Variants in RDH5 observed in about 807,000 individuals in gnomAD.
RDH5 encodes the protein 11-cis RDH.
Under a neutral mutation model 24.0 loss-of-function variants are expected in RDH5, and 25 were observed. That is an observed-to-expected ratio of 1.04 (90% CI 0.76 to 1.46). RDH5 has a LOEUF of 1.46. Among genes scored for constraint, RDH5 ranks in the 40% most tolerant of loss-of-function variants. The pLI, the probability that RDH5 is intolerant of heterozygous loss-of-function variation, is 0.00. For missense variants in RDH5, 369 were observed against 410.3 expected, an observed-to-expected ratio of 0.90 and a Z score of 0.87; for synonymous variants, 170 against 175.2, an observed-to-expected ratio of 0.97 and a Z score of 0.23.
chr12:55,721,065 C>A lies in RDH5; in HGVS notation c.-32-88C>A, dbSNP rs910919989. On this transcript the variant is annotated intron_variant, in intron 1 of 4. Transcript: ENST00000257895. This position sits in a 1 kb window ranked among gnomAD's most constrained non-coding sequence, Gnocchi z 4.7. ...CAACCAGATAATTTCTCAATATGCTCACACCAGATGCTTCCAGCTAGGGAG... is the reference window on the plus strand; with the variant it reads ...CAACCAGATAATTTCTCAATATGCTAACACCAGATGCTTCCAGCTAGGGAG... The A allele has an allele frequency of 7.9e-6, 7 of 885,934 alleles. No homozygotes were observed. The African/African-American group carries it at 9.8e-5, about 12-fold the overall frequency. 54.9% of individuals were successfully genotyped at this position (885,934 alleles called of 1,614,324 possible).
In RDH5 at chr12:55,721,352, G is replaced by A; in HGVS notation, c.168G>A (p.Leu56=). The change falls in exon 2 of 5, where the codon CTG becomes CTA. Residue 56 remains leucine (L), a synonymous_variant. Transcript: ENST00000257895. This position sits in a 1 kb window ranked among gnomAD's most constrained non-coding sequence, Gnocchi z 4.7. ...TGGACCAGAGAGGCTTCCGAGTCCT[G>A]GCCAGCTGCCTGACCCCCTCCGGGG... ...LQLDQRGFRV[L]ASCLTPSGAE... 6.2e-7 allele frequency: 1 copy of A among 1,613,900 alleles called. No homozygotes were observed. The highest frequency in any genetic ancestry group is 8.5e-7 in the Non-Finnish European group (1 of 1,180,038).
rs760341430 is a variant in RDH5 at position 55,721,684 on chromosome 12, C to T, written c.311-5C>T. ...ACCCCCAGCATCCTTTTCATCTCCC[C>T]ACAGGGCTTTTTGGTCTGGTGAATA... On this transcript the variant is annotated splice_polypyrimidine_tract_variant and splice_region_variant and intron_variant, in intron 2 of 4. Transcript: ENST00000257895. The surrounding 1 kb of genome is among the most constrained non-coding windows in gnomAD (Gnocchi z 4.7). 3.1e-6 allele frequency: 5 copies of T among 1,609,776 alleles called. No homozygotes were observed. In the Admixed American group the frequency reaches 8.3e-5, roughly 27 times the overall value.
At chr12:55,724,140 C>A in intron 4 of RDH5, 91 bp downstream of exon 4, 3 of 1,515,562 alleles carry the variant, frequency 2.0e-6, no homozygotes, top group South Asian at 1.2e-5. Flanking sequence ...GTGGGTGGGG[C>A]ACCCAGGGCA....
rs980899325 is a variant in RDH5, at chr12:55,721,944, T to C, written c.566T>C (p.Leu189Pro). Residue 189 changes from leucine to proline, a missense_variant, in exon 3 of 5, where the codon CTG becomes CCG. By Grantham distance (98) the Leu-to-Pro change is moderately conservative. Transcript: ENST00000257895. This position sits in a 1 kb window ranked among gnomAD's most constrained non-coding sequence, Gnocchi z 4.7. Reference sequence around the variant, plus strand: ...GGCCTGGAGGCCTTCTCTGACAGCCTGAGGTGAGGGGTACAGGGCTCTGGG... The same window carrying C: ...GGCCTGGAGGCCTTCTCTGACAGCCCGAGGTGAGGGGTACAGGGCTCTGGG... ...KFGLEAFSDS[L>P]RRDVAHFGIR... The C allele has an allele frequency of 3.1e-6, 5 of 1,612,836 alleles. No homozygotes were observed. The highest frequency in any genetic ancestry group is 4.2e-6 in the Non-Finnish European group (5 of 1,179,642).
In RDH5 at chr12:55,724,015, A is replaced by G. The variant is rs775703894; in HGVS notation, c.699A>G (p.Thr233=). 6 of 1,612,876 alleles carry G rather than the reference A, an allele frequency of 3.7e-6. No individual in the cohort carries two copies. The highest frequency in any genetic ancestry group is 5.1e-6 in the Non-Finnish European group (6 of 1,179,998). Residue 233 remains threonine, a synonymous_variant, in exon 4 of 5, where the codon ACA becomes ACG. Coordinates refer to ENST00000257895, the MANE Select transcript of RDH5 (RefSeq NM_002905.5). ...GCTGGGCACGGCTGCCTCCTGCCAC[A>G]CAGGCCCACTATGGGGGGGCCTTCC... is the stretch of plus-strand genomic sequence containing the variant. ...QACWARLPPA[T]QAHYGGAFLT... is the part of the protein sequence containing the mutation.
Position 55,721,204 on chromosome 12 carries a change from T to G in RDH5, c.20T>G (p.Leu7Arg), listed in dbSNP as rs1260569219. Residue 7 changes from leucine (L) to arginine (R), a missense_variant, in exon 2 of 5, where the codon CTG (leucine) becomes CGG (arginine). By Grantham distance (102) the Leu-to-Arg change is moderately radical. Transcript: ENST00000257895. This position sits in a 1 kb window ranked among gnomAD's most constrained non-coding sequence, Gnocchi z 4.7. ...CCAGCTATGTGGCTGCCTCTTCTGC[T>G]GGGTGCCTTACTCTGGGCAGTGCTG... is the stretch of plus-strand genomic sequence containing the variant. MWLPLL[L>R]GALLWAVLWL... The G allele has an allele frequency of 6.2e-7, 1 of 1,614,010 alleles. No individual in the cohort carries two copies. The highest frequency in any genetic ancestry group is 8.5e-7 in the Non-Finnish European group (1 of 1,180,040).
intron 3 of RDH5, chr12:55,722,704 TTTTTTG>T (rs1333123036): frequency 6.6e-6 from 1 of 151,442 alleles, no homozygotes; most frequent in Non-Finnish European, 1.5e-5. Flanking sequence ...CCCAGCTAAT[TTTTTTG>T]TATTTTTAGT....
intron 3 of RDH5, 122 bp from the exon 4 acceptor site, chr12:55,723,764 C>T: frequency 3.7e-6 from 4 of 1,092,692 alleles, no homozygotes; most frequent in Non-Finnish European, 5.5e-6. Context: ...GGGCAGTAGG[C>T]ATCTCCGTCA....
intron 3 of RDH5, chr12:55,723,679 G>T (rs1385560897): frequency 5.0e-6 from 3 of 595,040 alleles, no homozygotes; most frequent in Non-Finnish European, 8.9e-6. Context: ...AAAACGTGCT[G>T]ACCCCTGCTC....
At position 55,724,640 on chromosome 12, in the gene RDH5, A is replaced by C; in HGVS notation, c.*95A>C. ...TACTGCCTGGTGCCTGCCACAAAAT[A>C]AGCACTAACAAAAGTGTATTGTTTA... is the stretch of plus-strand genomic sequence containing the variant. On this transcript the variant is annotated 3_prime_UTR_variant, in exon 5 of 5. Coordinates refer to ENST00000257895, the MANE Select transcript of RDH5 (RefSeq NM_002905.5). 9.1e-7 allele frequency: 1 copy of C among 1,099,946 alleles called. No homozygotes were observed. Among genetic ancestry groups the C allele is most frequent in the East Asian group, 2.5e-5 (1 of 40,322 alleles). 68.1% of individuals were successfully genotyped at this position (1,099,946 alleles called of 1,614,324 possible).
rs761500612 is a variant in RDH5 at position 55,724,516 on chromosome 12, C to G, written c.928C>G (p.Leu310Val). 4.6e-5 allele frequency: 74 copies of G among 1,612,452 alleles called. No homozygotes were observed. The East Asian group carries it at 1.6e-3, about 35-fold the overall frequency. The part of the protein sequence containing the change: ...SLVDAVLTWV[L>V]PKPAQAVY ...GGTGGATGCTGTGCTCACCTGGGTC[C>G]TTCCCAAGCCTGCCCAAGCAGTCTA... is the stretch of plus-strand genomic sequence containing the variant. Residue 310 changes from leucine (L) to valine (V), a missense_variant, in exon 5 of 5, where the codon CTT (leucine) becomes GTT (valine). Leu to Val is a conservative substitution (Grantham distance 32). Coordinates refer to ENST00000257895, the MANE Select transcript of RDH5 (RefSeq NM_002905.5).
chr12:55,723,767 C>G, intron 3 of RDH5, 119 bp from the exon 4 acceptor site: 1 of 1,169,948 alleles, frequency 8.5e-7, no homozygotes, highest in Non-Finnish European at 1.3e-6. Flanking sequence ...CAGTAGGCAT[C>G]TCCGTCAAAA....
chr12:55,722,303 C>T, intron 3 of RDH5: 1 of 210,674 alleles, frequency 4.7e-6, no homozygotes, highest in South Asian at 8.0e-5. Context: ...GCATGCGCCA[C>T]CATGCCTGGC....
At chr12:55,724,276 T>C in intron 4 of RDH5, 46 bp from the exon 5 acceptor site, 1 of 1,603,750 alleles carries the variant, frequency 6.2e-7, no homozygotes. Flanking sequence ...TAAGATGGGC[T>C]GGAGTGAGGA....
chr12:55,722,468 A>G (rs568908558), intron 3 of RDH5: 1 of 153,832 alleles, frequency 6.5e-6, no homozygotes, highest in East Asian at 2.0e-4. Context: ...TCTTTAAACA[A>G]TAAGGTTCAA....
Position 55,724,556 on chromosome 12 carries a change from C to A in RDH5, c.*11C>A. 1.2e-6 allele frequency: 2 copies of A among 1,606,304 alleles called. No homozygotes were observed. Among genetic ancestry groups the A allele is most frequent in the Non-Finnish European group, 1.7e-6 (2 of 1,177,964 alleles). On this transcript the variant is annotated 3_prime_UTR_variant, in exon 5 of 5. Coordinates refer to ENST00000257895, the MANE Select transcript of RDH5 (RefSeq NM_002905.5). ...CAAGCAGTCTACTGAATCCAGCCTTCCAGCAAGAGATTGTTTTTCAAGGAC... is the reference window on the plus strand; with the variant it reads ...CAAGCAGTCTACTGAATCCAGCCTTACAGCAAGAGATTGTTTTTCAAGGAC...
At chr12:55,723,770 C>G in intron 3 of RDH5, 116 bp from the exon 4 acceptor site, 1 of 1,208,350 alleles carries the variant, frequency 8.3e-7, no homozygotes, top group Non-Finnish European at 1.2e-6. Context: ...TAGGCATCTC[C>G]GTCAAAACTC....
chr12:55,721,708 T>C lies in RDH5; in HGVS notation c.330T>C (p.Asn110=). The C allele has an allele frequency of 1.2e-6, 2 of 1,612,422 alleles. No homozygotes were observed. The highest frequency in any genetic ancestry group is 8.5e-7 in the Non-Finnish European group (1 of 1,180,016). The change falls in exon 3 of 5, where the codon AAT becomes AAC. Residue 110 remains asparagine, a synonymous_variant. Transcript: ENST00000257895. This position sits in a 1 kb window ranked among gnomAD's most constrained non-coding sequence, Gnocchi z 4.7. ...CCACAGGGCTTTTTGGTCTGGTGAA[T>C]AATGCTGGTGTGGCTGGTATCATCG... The part of the protein sequence containing the change: ...VKEAGLFGLV[N]NAGVAGIIGP...
Position 55,724,469 on chromosome 12 carries a change from C to T in RDH5, c.881C>T (p.Ala294Val). Residue 294 changes from alanine (A) to valine (V), a missense_variant, in exon 5 of 5, where the codon GCC becomes GTC. Ala to Val is a moderately conservative substitution (Grantham distance 64). Transcript: ENST00000257895. Reference sequence around the variant, plus strand: ...GATGCCAAGCTGCTCTGGCTGCCTGCCTCCTACCTGCCAGCCAGCCTGGTG... The same window carrying T: ...GATGCCAAGCTGCTCTGGCTGCCTGTCTCCTACCTGCCAGCCAGCCTGGTG... ...GWDAKLLWLP[A>V]SYLPASLVDA... is the part of the protein sequence containing the mutation. The T allele has an allele frequency of 6.2e-7, 1 of 1,613,984 alleles. No individual in the cohort carries two copies. The highest frequency in any genetic ancestry group is 8.5e-7 in the Non-Finnish European group (1 of 1,180,026).
Sources: allele counts gnomAD v4.1 joint callset, GRCh38; gene constraint gnomAD v4.1.1; non-coding constraint Gnocchi (gnomAD v3.1); transcripts MANE v1.5; gene names NCBI Gene and HGNC (gene_info 2026-07-23, HGNC 2026-07-21).